The following TMEM40 variants were observed in gnomAD, a reference collection of about 807,000 sequenced individuals.
The protein encoded by TMEM40 is transmembrane protein 40.
TMEM40 carries 34 observed loss-of-function variants against 40.8 expected under a neutral mutation model. The observed-to-expected ratio is 0.83, with a 90% confidence interval of 0.63 to 1.11. The LOEUF (loss-of-function observed/expected upper bound fraction) is 1.11, where lower values mean the gene tolerates loss of function less well. TMEM40 is among the 50% of genes least tolerant of loss of function. The pLI is 0.00. For missense variants in TMEM40, 296 were observed against 280.2 expected (o/e 1.06, Z -0.40); for synonymous variants, 106 against 107.0 (o/e 0.99, Z 0.06).
chr3:12,741,392 C>T (rs1393687440), intron 5 of TMEM40: 1 of 152,218 alleles, frequency 6.6e-6, no homozygotes, highest in Non-Finnish European at 1.5e-5. Context: ...TCCCTCAGGG[C>T]AGCCCCAGGA....
In TMEM40 at chr3:12,743,924, A is replaced by T; in HGVS notation, c.277T>A (p.Tyr93Asn). The T allele has an allele frequency of 1.2e-6, 2 of 1,613,424 alleles. No homozygotes were observed. Among genetic ancestry groups the T allele is most frequent in the Non-Finnish European group, 8.5e-7 (1 of 1,179,784 alleles). ...GKHRRSLGAG[Y>N]PHGNGSPGPG... ...CCGGGTGAGCCGTTCCCGTGGGGGT[A>T]TCCAGCCCCCAGGCTCCGTCGATGT... Residue 93 changes from tyrosine to asparagine, a missense_variant, in exon 4 of 12, where the codon TAC (tyrosine) becomes AAC (asparagine). Tyr to Asn is a moderately radical substitution (Grantham distance 143, BLOSUM62 -2). Transcript: ENST00000314124.
chr3:12,763,956 C>T (rs1281916468), upstream of TMEM40, among the ~76,000 whole-genome samples: 1 of 152,116 alleles, frequency 6.6e-6, no homozygotes, highest in East Asian at 1.9e-4. Flanking sequence ...CACTCTGTCG[C>T]CCAGGCTGAA....
At position 12,748,719 on chromosome 3, in the gene TMEM40, C is replaced by T. The variant is rs751793360; in HGVS notation, c.147G>A (p.Lys49=). 1 of 1,613,942 alleles carries T rather than the reference C, an allele frequency of 6.2e-7. No individual in the cohort carries two copies. The highest frequency in any genetic ancestry group is 1.3e-5 in the African/African-American group (1 of 74,884). The change falls in exon 3 of 12, where the codon AAG becomes AAA. Residue 49 remains lysine, a synonymous_variant. Coordinates refer to ENST00000314124, the MANE Select transcript of TMEM40 (RefSeq NM_018306.4). ...LFSQEQYERN[K]SSSSSSSSSS... The stretch of plus-strand genomic sequence containing the variant: ...AGGAAGAGGAGGAGGAGGAAGAAGA[C>T]TTGTTTCTCTCATATTGTTCTTGGG...
At chr3:12,764,981 C>T (rs1373090920) in intron 1 of TMEM40, among the ~76,000 whole-genome samples, 4 of 152,030 alleles carry the variant, frequency 2.6e-5, no homozygotes, top group Non-Finnish European at 4.4e-5. Context: ...AAGCAATTCT[C>T]CTGCCTCAGC....
chr3:12,746,234 C>T (rs781610621), intron 3 of TMEM40, among the ~76,000 whole-genome samples: 5 of 151,444 alleles, frequency 3.3e-5, no homozygotes, highest in Middle Eastern at 3.4e-3. Flanking sequence ...TAATAATAAC[C>T]GCGGCAGAAA....
At chr3:12,763,901 T>C (rs1325088283), upstream of TMEM40, among the ~76,000 whole-genome samples, 3 of 152,076 alleles carry the variant, frequency 2.0e-5, no homozygotes, top group Non-Finnish European at 4.4e-5. Context: ...GTTCTTTACA[T>C]GAGGTTTATT....
chr3:12,761,436 C>T (rs2061567752), upstream of TMEM40, among the ~76,000 whole-genome samples: 1 of 152,080 alleles, frequency 6.6e-6, no homozygotes, highest in African/African-American at 2.4e-5. Flanking sequence ...GAAACTCCAT[C>T]TCTACTGAAA....
At chr3:12,743,543 AG>A (rs1167169403) in intron 4 of TMEM40, among the ~76,000 whole-genome samples, 3 of 152,216 alleles carry the variant, frequency 2.0e-5, no homozygotes, top group Non-Finnish European at 4.4e-5. Context: ...AGTTCAAAAA[AG>A]GGAAAATAAA....
At chr3:12,743,577 C>T (rs1196215469) in intron 4 of TMEM40, among the ~76,000 whole-genome samples, 1 of 152,144 alleles carries the variant, frequency 6.6e-6, no homozygotes, top group African/African-American at 2.4e-5. Context: ...TTCCACCATC[C>T]TGAGATAACC....
rs751779432 is a variant in TMEM40, at chr3:12,748,645, T to C, written c.211+10A>G. 1 of 1,607,864 alleles carries C rather than the reference T, an allele frequency of 6.2e-7. No homozygotes were observed. The highest frequency in any genetic ancestry group is 1.3e-5 in the African/African-American group (1 of 74,846). ...TGAATAATATACATATATTTAAATC[T>C]CTGCTATACCTGAGGAGGAGGAGGA... On this transcript the variant is annotated intron_variant, in intron 3 of 11. Transcript: ENST00000314124.
At chr3:12,744,557 T>C (rs2061412197) in intron 3 of TMEM40, among the ~76,000 whole-genome samples, 1 of 152,192 alleles carries the variant, frequency 6.6e-6, no homozygotes, top group African/African-American at 2.4e-5. Flanking sequence ...CCAGCGGTCT[T>C]GTGATGTGCC....
chr3:12,750,958 C>T (rs1189871629), intron 1 of TMEM40, among the ~76,000 whole-genome samples: 1 of 152,120 alleles, frequency 6.6e-6, no homozygotes, highest in Non-Finnish European at 1.5e-5. Context: ...AGAGAATCTA[C>T]CACAAGACCT....
At chr3:12,750,497 G>A (rs1276445055) in intron 1 of TMEM40, among the ~76,000 whole-genome samples, 1 of 152,216 alleles carries the variant, frequency 6.6e-6, no homozygotes. Context: ...TATAGCAGCT[G>A]AGCCAGGAAG....
At chr3:12,769,178 C>T (rs2061610836) in intron 1 of TMEM40, 1 of 316,834 alleles carries the variant, frequency 3.2e-6, no homozygotes, top group African/African-American at 2.3e-5. Flanking sequence ...AAGCCCAAGC[C>T]CACCCGGAAC....
intron 3 of TMEM40, among the ~76,000 whole-genome samples, chr3:12,744,303 AC>A (rs1427261177): frequency 6.6e-6 from 1 of 152,136 alleles, no homozygotes; most frequent in Admixed American, 6.6e-5. Context: ...CTTCCATCCC[AC>A]CAAGTGCAGG....
At chr3:12,767,237 T>G (rs1207175563) in intron 1 of TMEM40, among the ~76,000 whole-genome samples, 1 of 152,118 alleles carries the variant, frequency 6.6e-6, no homozygotes, top group Non-Finnish European at 1.5e-5. Flanking sequence ...CTGTCAGCCC[T>G]GATACTGGCT....
intron 1 of TMEM40, among the ~76,000 whole-genome samples, chr3:12,755,107 TTC>T (rs1491017946): frequency 6.9e-6 from 1 of 144,726 alleles, no homozygotes; most frequent in African/African-American, 2.5e-5. Flanking sequence ...CCCTCCTTTT[TTC>T]TTTTTTCTTT....
At chr3:12,750,961 C>T (rs2061470846) in intron 1 of TMEM40, among the ~76,000 whole-genome samples, 1 of 152,146 alleles carries the variant, frequency 6.6e-6, no homozygotes, top group Non-Finnish European at 1.5e-5. Context: ...GAATCTACCA[C>T]AAGACCTTGG....
rs2061384048 is a variant in TMEM40 at position 12,741,769 on chromosome 3, A to T, written c.355+685T>A. ...CCAGATTATACTTGTTTTTGTAACA[A>T]AAAAAAAAAAAAAAAGAAAGAAGGA... On this transcript the variant is annotated intron_variant, in intron 5 of 11. Transcript: ENST00000314124. Among the ~76,000 whole-genome samples, 3 of 28,436 alleles carry T rather than the reference A, an allele frequency of 1.1e-4. No individual in the cohort carries two copies. In the South Asian group the frequency reaches 1.3e-3, roughly 12 times the overall value. 18.7% of individuals were successfully genotyped at this position (28,436 alleles called of 152,430 possible).
Sources: allele counts gnomAD v4.1 joint callset (sites outside exome capture counted in the v4.1 genomes callset), GRCh38; gene constraint gnomAD v4.1.1; transcripts MANE v1.5; gene names NCBI Gene and HGNC (gene_info 2026-07-23, HGNC 2026-07-21).